MAGI3: variants seen among roughly 807,000 people sequenced by gnomAD.
MAGI3 encodes the protein membrane associated guanylate kinase, WW and PDZ domain containing 3.
Under a neutral mutation model 121.8 loss-of-function variants are expected in MAGI3, and 43 were observed. The ratio of observed to expected loss-of-function variants is 0.35; its 90% CI spans 0.28 to 0.46. MAGI3 has a LOEUF of 0.46. Ranked by LOEUF, MAGI3 falls within the 20% of genes least tolerant of loss-of-function variation. The pLI is 1.00. For missense variants in MAGI3, 1,547 were observed against 1,797.3 expected, an observed-to-expected ratio of 0.86 and a Z score of 2.52; for synonymous variants, 553 against 639.3, an observed-to-expected ratio of 0.86 and a Z score of 2.04.
At chr1:113,546,643 T>C (rs1570837057) in intron 1 of MAGI3, among the ~76,000 whole-genome samples, 1 of 151,140 alleles carries the variant, frequency 6.6e-6, no homozygotes, top group East Asian at 2.0e-4. Context: ...AGCCAAAATA[T>C]CACACTTACA....
At chr1:113,608,948 A>AT (rs1378172198) in intron 6 of MAGI3, among the ~76,000 whole-genome samples, 1 of 152,074 alleles carries the variant, frequency 6.6e-6, no homozygotes, top group African/African-American at 2.4e-5. Context: ...TCCTAAGTAT[A>AT]TTTTTCTTAA....
intron 1 of MAGI3, among the ~76,000 whole-genome samples, chr1:113,400,345 A>C (rs1234162912): frequency 6.6e-6 from 1 of 152,134 alleles, no homozygotes; most frequent in Non-Finnish European, 1.5e-5. Context: ...CATGCACAGT[A>C]GGAGTTTTGT....
chr1:113,431,354 T>A (rs1057188523), intron 1 of MAGI3, among the ~76,000 whole-genome samples: 3 of 152,152 alleles, frequency 2.0e-5, no homozygotes, highest in Non-Finnish European at 1.5e-5. Flanking sequence ...TATAACTTAT[T>A]TGTAAGTTAT....
At chr1:113,425,568 G>A (rs1426129649) in intron 1 of MAGI3, among the ~76,000 whole-genome samples, 7 of 151,982 alleles carry the variant, frequency 4.6e-5, no homozygotes, top group African/African-American at 1.7e-4. Flanking sequence ...ACAGGTGTGA[G>A]CTACTGCACC....
intron 6 of MAGI3, among the ~76,000 whole-genome samples, chr1:113,613,723 A>T (rs1650301639): frequency 6.6e-6 from 1 of 152,208 alleles, no homozygotes; most frequent in Admixed American, 6.5e-5. Flanking sequence ...CAACTGCTAT[A>T]TAAAATGGAT....
intron 1 of MAGI3, among the ~76,000 whole-genome samples, chr1:113,491,705 A>C (rs1292673608): frequency 6.6e-6 from 1 of 152,210 alleles, no homozygotes; most frequent in African/African-American, 2.4e-5. Context: ...GACCCCATGA[A>C]AATATAAATA....
At chr1:113,666,730 C>T (rs1323808831) in intron 16 of MAGI3, among the ~76,000 whole-genome samples, 2 of 152,188 alleles carry the variant, frequency 1.3e-5, no homozygotes, top group Admixed American at 1.3e-4. Context: ...TTTCAGTTTG[C>T]TTTGCCTAGA....
At chr1:113,682,820 C>T in intron 20 of MAGI3, 77 bp from the exon 21 acceptor site, 1 of 1,459,046 alleles carries the variant, frequency 6.9e-7, no homozygotes, top group Non-Finnish European at 9.0e-7. Flanking sequence ...ATTCAAATGG[C>T]TGTCAAAGTT....
At chr1:113,452,292 G>A (rs1048547990) in intron 1 of MAGI3, among the ~76,000 whole-genome samples, 2 of 152,030 alleles carry the variant, frequency 1.3e-5, no homozygotes, top group Admixed American at 6.6e-5. Context: ...TATTTTTGGA[G>A]TTTTGATCCG....
In MAGI3 at chr1:113,642,076, C is replaced by G; in HGVS notation, c.1526C>G (p.Ala509Gly). The G allele has an allele frequency of 6.2e-7, 1 of 1,614,118 alleles. No individual in the cohort carries two copies. Among genetic ancestry groups the G allele is most frequent in the Non-Finnish European group, 8.5e-7 (1 of 1,180,018 alleles). The part of the protein sequence containing the change: ...DSEDPVVDIV[A>G]ATPVINGQSL... ...GAAGATCCTGTTGTGGACATTGTTG[C>G]TGCTACCCCTGTCATCAATGGACAG... Residue 509 changes from alanine (A) to glycine (G), a missense_variant, in exon 10 of 21, where the codon GCT (alanine) becomes GGT (glycine). Ala to Gly is a moderately conservative substitution (Grantham distance 60, BLOSUM62 0). Coordinates refer to ENST00000307546, the MANE Select transcript of MAGI3 (RefSeq NM_001142782.2).
intron 6 of MAGI3, among the ~76,000 whole-genome samples, chr1:113,602,118 T>TG (rs1287854495): frequency 2.6e-5 from 4 of 152,044 alleles, no homozygotes; most frequent in African/African-American, 9.7e-5. Context: ...ATATACCTAA[T>TG]GCTAAATGAC....
At chr1:113,546,805 A>AG (rs1659554483) in intron 1 of MAGI3, among the ~76,000 whole-genome samples, 1 of 151,656 alleles carries the variant, frequency 6.6e-6, no homozygotes, top group Non-Finnish European at 1.5e-5. Context: ...AATTGAGGCC[A>AG]GGCACAGTGG....
chr1:113,638,022 C>T (rs964292298), intron 9 of MAGI3, among the ~76,000 whole-genome samples: 10 of 152,312 alleles, frequency 6.6e-5, no homozygotes, highest in African/African-American at 1.2e-4. Flanking sequence ...TTGATCGCAT[C>T]GGCTCCTGAG....
chr1:113,579,743 G>A (rs1175859293), intron 2 of MAGI3, among the ~76,000 whole-genome samples: 1 of 152,110 alleles, frequency 6.6e-6, no homozygotes, highest in Non-Finnish European at 1.5e-5. Context: ...GGTAGATTTG[G>A]TGACTGGATG....
chr1:113,668,628 T>TGCG (rs1248333832), intron 16 of MAGI3, among the ~76,000 whole-genome samples: 2 of 135,460 alleles, frequency 1.5e-5, no homozygotes, highest in Non-Finnish European at 3.1e-5. Flanking sequence ...CAGGCCGGAC[T>TGCG]GCGGACTGCA....
At chr1:113,635,502 G>A (rs1028033968) in intron 9 of MAGI3, among the ~76,000 whole-genome samples, 6 of 152,010 alleles carry the variant, frequency 3.9e-5, no homozygotes, top group African/African-American at 1.5e-4. Flanking sequence ...TTTTGTCTTT[G>A]GTTCTGTTTA....
intron 15 of MAGI3, among the ~76,000 whole-genome samples, chr1:113,656,995 T>C (rs888963740): frequency 2.0e-4 from 31 of 152,214 alleles, no homozygotes; most frequent in African/African-American, 7.2e-4. Flanking sequence ...TCTTATCATG[T>C]AGTTTTCAGT....
intron 12 of MAGI3, among the ~76,000 whole-genome samples, chr1:113,647,307 G>C (rs1570995336): frequency 6.6e-6 from 1 of 152,204 alleles, no homozygotes; most frequent in Non-Finnish European, 1.5e-5. Flanking sequence ...AAGGGAGCTG[G>C]AGTTGGTCAT....
At chr1:113,418,147 C>T (rs1652549329) in intron 1 of MAGI3, among the ~76,000 whole-genome samples, 1 of 152,036 alleles carries the variant, frequency 6.6e-6, no homozygotes, top group Non-Finnish European at 1.5e-5. Context: ...ATTCAGAAAG[C>T]TCAGTGGGAT....
Sources: allele counts gnomAD v4.1 joint callset (sites outside exome capture counted in the v4.1 genomes callset), GRCh38; gene constraint gnomAD v4.1.1; transcripts MANE v1.5; gene names NCBI Gene and HGNC (gene_info 2026-07-23, HGNC 2026-07-21).